PLEKHA1: variants seen among roughly 807,000 people sequenced by gnomAD.
PLEKHA1 encodes the protein pleckstrin homology domain containing A1.
PLEKHA1 carries 34 observed loss-of-function variants against 52.0 expected under a neutral mutation model. The ratio of observed to expected loss-of-function variants is 0.65; its 90% CI spans 0.50 to 0.87. The LOEUF (loss-of-function observed/expected upper bound fraction) is 0.87, where lower values mean the gene tolerates loss of function less well. Among genes scored for constraint, PLEKHA1 ranks in the 40% least tolerant of loss-of-function variants. The probability of loss-of-function intolerance (pLI) is 0.00; values close to 1 mark genes in which losing one functional copy is unlikely to be tolerated. For missense variants in PLEKHA1, 497 were observed against 504.2 expected, an observed-to-expected ratio of 0.99 and a Z score of 0.14; for synonymous variants, 163 against 170.7, an observed-to-expected ratio of 0.95 and a Z score of 0.35.
At chr10:122,396,314 A>G (rs1199007915) in intron 2 of PLEKHA1, among the ~76,000 whole-genome samples, 1 of 152,124 alleles carries the variant, frequency 6.6e-6, no homozygotes, top group African/African-American at 2.4e-5. Flanking sequence ...TCTTGAAGAC[A>G]TATTTACATT....
chr10:122,414,719 G>GA (rs2097150177), intron 6 of PLEKHA1, among the ~76,000 whole-genome samples: 1 of 151,960 alleles, frequency 6.6e-6, no homozygotes, highest in African/African-American at 2.4e-5. Flanking sequence ...AGCTAGCAGG[G>GA]AAAAAATACA....
rs192673596 is a variant in PLEKHA1, at chr10:122,387,442, A to G, written c.-20-5739A>G. ...TATTTTAATTTTCAAATAGCTATTC[A>G]GGTGATAATTTCATCTATAGCACTA... On this transcript the variant is annotated intron_variant, in intron 1 of 11. Coordinates refer to ENST00000368990, the MANE Select transcript of PLEKHA1 (RefSeq NM_001001974.4). 25 of 152,274 alleles carry G rather than the reference A, an allele frequency of 1.6e-4. No individual in the cohort carries two copies. In the Middle Eastern group the frequency reaches 0.01, roughly 62 times the overall value. The allele number at this position is 152,274 out of a possible 1,614,324, so 9.4% of individuals were successfully genotyped here. A position where few individuals can be genotyped will look rare whatever the true frequency, so the allele number is the denominator to read the frequency against.
chr10:122,424,396 T>G, intron 9 of PLEKHA1, 133 bp downstream of exon 9: 1 of 1,013,926 alleles, frequency 9.9e-7, no homozygotes, highest in South Asian at 2.8e-5. Flanking sequence ...ATAGTTGAGA[T>G]ACACTAGAAT....
At position 122,406,645 on chromosome 10, in the gene PLEKHA1, A is replaced by G; in HGVS notation, c.314A>G (p.Asn105Ser). The change falls in exon 5 of 12, where the codon AAT (asparagine) becomes AGT (serine). Residue 105 changes from asparagine to serine, a missense_variant. Coordinates refer to ENST00000368990, the MANE Select transcript of PLEKHA1 (RefSeq NM_001001974.4). ...NDQQDLVEWV[N>S]VLNKAIKITV... ...CAGCAGGACCTAGTGGAATGGGTAA[A>G]TGTGTTAAACAAAGCTATAAAAATT... 1 of 1,611,888 alleles carries G rather than the reference A, an allele frequency of 6.2e-7. No individual in the cohort carries two copies. Among genetic ancestry groups the G allele is most frequent in the Non-Finnish European group, 8.5e-7 (1 of 1,178,054 alleles).
chr10:122,378,174 A>G (rs912145141), intron 1 of PLEKHA1, among the ~76,000 whole-genome samples: 1 of 152,194 alleles, frequency 6.6e-6, no homozygotes, highest in Admixed American at 6.5e-5. Context: ...CTTCTAATGT[A>G]GCATCTTACC....
intron 2 of PLEKHA1, among the ~76,000 whole-genome samples, chr10:122,396,694 G>A (rs557507563): frequency 6.6e-6 from 1 of 152,092 alleles, no homozygotes; most frequent in South Asian, 2.1e-4. Flanking sequence ...AAAGTCAGTT[G>A]AAAAGTTGAT....
chr10:122,423,518 C>T (rs560845316), intron 8 of PLEKHA1: 5 of 151,556 alleles, frequency 3.3e-5, no homozygotes, highest in East Asian at 1.9e-4. Flanking sequence ...CTTAATCTCA[C>T]GCTGTCATAT....
Position 122,374,768 on chromosome 10 carries a change from GGGGCCGCGGCGGCGCGGGTGCTCC to G in PLEKHA1, c.-52_-29del, listed in dbSNP as rs1161884816. ...GGGCAGCCGAGCCTCTGTGGGAGCC[GGGGCCGCGGCGGCGCGGGTGCTCC>G]GGGCCGAGGCCGCGGTAAAGTTTAG... On this transcript the variant is annotated 5_prime_UTR_variant, in exon 1 of 12. Coordinates refer to ENST00000368990, the MANE Select transcript of PLEKHA1 (RefSeq NM_001001974.4). 1 of 152,006 alleles carries G rather than the reference GGGGCCGCGGCGGCGCGGGTGCTCC, an allele frequency of 6.6e-6. No individual in the cohort carries two copies. Among genetic ancestry groups the G allele is most frequent in the East Asian group, 1.9e-4 (1 of 5,180 alleles). The allele number at this position is 152,006 out of a possible 1,614,324, so 9.4% of individuals were successfully genotyped here.
intron 2 of PLEKHA1, 22 bp from the exon 3 acceptor site, chr10:122,397,896 T>G (rs1408319548): frequency 6.5e-7 from 1 of 1,536,224 alleles, no homozygotes. Flanking sequence ...ATATTAAGTA[T>G]ATATTAATAC....
At chr10:122,441,224 C>T in the PLEKHA1 span, 2 of 152,152 alleles carry the variant, frequency 1.3e-5, no homozygotes, top group Non-Finnish European at 2.9e-5. Context: ...AATCGCAGCA[C>T]TTTGGGAAGC....
At chr10:122,382,950 C>T (rs1451339121) in intron 1 of PLEKHA1, among the ~76,000 whole-genome samples, 8 of 152,062 alleles carry the variant, frequency 5.3e-5, no homozygotes, top group Non-Finnish European at 8.8e-5. Flanking sequence ...TAAATAGTAC[C>T]AGATTCACCC....
rs2097416117 is a variant in PLEKHA1, at chr10:122,431,422, T to TTTG, written c.*1484_*1485insTTG. 1 of 152,664 alleles carries TTTG rather than the reference T, an allele frequency of 6.6e-6. No individual in the cohort carries two copies. The highest frequency in any genetic ancestry group is 2.4e-5 in the African/African-American group (1 of 41,462). The allele number at this position is 152,664 out of a possible 1,614,324, so 9.5% of individuals were successfully genotyped here. A position where few individuals can be genotyped will look rare whatever the true frequency, so the allele number is the denominator to read the frequency against. ...GGCGTGAGCCACCATGCCCGGCCCA[T>TTTG]AAGTACCGTTTTTGAGGTTCAGTCT... is the stretch of plus-strand genomic sequence containing the variant. On this transcript the variant is annotated 3_prime_UTR_variant, in exon 12 of 12. Coordinates refer to ENST00000368990, the MANE Select transcript of PLEKHA1 (RefSeq NM_001001974.4).
rs941518046 is a variant in PLEKHA1, at chr10:122,431,999, C to G, written c.*2061C>G. The G allele has an allele frequency of 3.3e-5, 5 of 152,110 alleles. No homozygotes were observed. Among genetic ancestry groups the G allele is most frequent in the African/African-American group, 1.2e-4 (5 of 41,416 alleles). 9.4% of individuals were successfully genotyped at this position (152,110 alleles called of 1,614,324 possible). A position where few individuals can be genotyped will look rare whatever the true frequency, so the allele number is the denominator to read the frequency against. On this transcript the variant is annotated 3_prime_UTR_variant, in exon 12 of 12. Coordinates refer to ENST00000368990, the MANE Select transcript of PLEKHA1 (RefSeq NM_001001974.4). ...ATTTCATGGTGGCAAAATATTAGCT[C>G]TGTTTTGGGACATTTTAAAATAGAA...
intron 5 of PLEKHA1, among the ~76,000 whole-genome samples, chr10:122,409,847 C>T (rs1319477437): frequency 6.6e-6 from 1 of 150,794 alleles, no homozygotes; most frequent in Non-Finnish European, 1.5e-5. Context: ...GTGGTGCTAT[C>T]CCAGCTCACT....
intron 1 of PLEKHA1, 166 bp downstream of exon 1, chr10:122,374,972 A>G (rs1202665791): frequency 6.6e-6 from 1 of 151,356 alleles, no homozygotes; most frequent in Admixed American, 6.6e-5. Flanking sequence ...GTGAGTGCGG[A>G]GCCGGCGCCC....
downstream of PLEKHA1, chr10:122,435,959 A>G (rs2097436180): frequency 6.6e-6 from 1 of 152,160 alleles, no homozygotes; most frequent in Non-Finnish European, 1.5e-5. Context: ...CATCTTGAAA[A>G]ACTAATACAA....
chr10:122,436,303 T>C (rs924878149), downstream of PLEKHA1: 1 of 152,362 alleles, frequency 6.6e-6, no homozygotes, highest in Admixed American at 6.5e-5. Flanking sequence ...ATATTATTTA[T>C]ACATACCTTT....
chr10:122,377,328 A>G (rs929581429), intron 1 of PLEKHA1, among the ~76,000 whole-genome samples: 2 of 152,216 alleles, frequency 1.3e-5, no homozygotes, highest in African/African-American at 4.8e-5. Context: ...AGCTGAGGTA[A>G]TATGCAAATA....
At chr10:122,399,952 C>T (rs1309018003) in intron 3 of PLEKHA1, among the ~76,000 whole-genome samples, 2 of 152,100 alleles carry the variant, frequency 1.3e-5, no homozygotes, top group African/African-American at 4.8e-5. Context: ...AAAATCATAG[C>T]TAATTTAGAA....
Sources: gnomAD v4.1 joint callset for allele counts (sites outside exome capture counted in the v4.1 genomes callset) on GRCh38, gnomAD v4.1.1 for gene constraint, MANE v1.5 for transcripts, NCBI Gene and HGNC (gene_info 2026-07-23, HGNC 2026-07-21) for gene names.